The following SRD5A2 variants were observed in gnomAD, a reference collection of about 807,000 sequenced individuals.
The protein encoded by SRD5A2 is steroid 5 alpha-reductase 2.
In SRD5A2, 30 loss-of-function variants were observed where a neutral mutation model predicts 27.4. That is an observed-to-expected ratio of 1.10 (90% CI 0.82 to 1.49). SRD5A2 has a LOEUF of 1.49. Ranked by LOEUF, SRD5A2 falls within the 40% of genes most tolerant of loss-of-function variation. SRD5A2 has a pLI of 0.00. For synonymous variants in SRD5A2, 141 were observed against 133.6 expected, an observed-to-expected ratio of 1.06 and a Z score of -0.38; for missense variants, 348 against 323.4, an observed-to-expected ratio of 1.08 and a Z score of -0.58.
chr2:31,552,708 A>G (rs1425328012), intron 1 of SRD5A2, among the ~76,000 whole-genome samples: 1 of 152,208 alleles, frequency 6.6e-6, no homozygotes, highest in Non-Finnish European at 1.5e-5. Context: ...CTAAGAACAA[A>G]GGAAAAGAGG....
chr2:31,547,580 T>C (rs1666287992), intron 1 of SRD5A2, among the ~76,000 whole-genome samples: 1 of 152,252 alleles, frequency 6.6e-6, no homozygotes, highest in Non-Finnish European at 1.5e-5. Context: ...TATACCATGG[T>C]AGATTATATT....
chr2:31,651,274 T>G, the SRD5A2 span: 2 of 152,978 alleles, frequency 1.3e-5, no homozygotes, highest in East Asian at 3.9e-4. Context: ...TCTAAAAAAA[T>G]TATCCCATAG....
the SRD5A2 span, among the ~76,000 whole-genome samples, chr2:31,628,267 T>C: frequency 6.6e-6 from 1 of 152,142 alleles, no homozygotes; most frequent in African/African-American, 2.4e-5. Context: ...TTAAAGTCTG[T>C]TTCTTCTGAA....
At chr2:31,565,416 G>C (rs1232195028) in intron 1 of SRD5A2, among the ~76,000 whole-genome samples, 1 of 151,624 alleles carries the variant, frequency 6.6e-6, no homozygotes, top group South Asian at 2.1e-4. Context: ...CAGGGGCAGG[G>C]GGAAAGAAAA....
At chr2:31,627,537 C>G in the SRD5A2 span, among the ~76,000 whole-genome samples, 1 of 151,922 alleles carries the variant, frequency 6.6e-6, no homozygotes, top group African/African-American at 2.4e-5. Flanking sequence ...CCTTGTTTCT[C>G]TAGTTCCTCT....
intron 1 of SRD5A2, among the ~76,000 whole-genome samples, chr2:31,566,701 C>T (rs1288657545): frequency 6.6e-6 from 1 of 152,154 alleles, no homozygotes; most frequent in Non-Finnish European, 1.5e-5. Flanking sequence ...ATCTCACACA[C>T]GAAGTGTGAC....
chr2:31,628,675 C>A, the SRD5A2 span, among the ~76,000 whole-genome samples: 1 of 152,118 alleles, frequency 6.6e-6, no homozygotes, highest in Non-Finnish European at 1.5e-5. Flanking sequence ...GTTAAATTCC[C>A]TTTGTATTTG....
At chr2:31,532,151 A>C (rs1665921321) in intron 2 of SRD5A2, among the ~76,000 whole-genome samples, 1 of 152,208 alleles carries the variant, frequency 6.6e-6, no homozygotes. Context: ...AAAGTGCCTG[A>C]GTTATTAATG....
At chr2:31,594,380 C>T in the SRD5A2 span, among the ~76,000 whole-genome samples, 2 of 151,962 alleles carry the variant, frequency 1.3e-5, no homozygotes, top group African/African-American at 4.8e-5. Flanking sequence ...AAATGGAAAC[C>T]AAAAGCGAGC....
the SRD5A2 span, among the ~76,000 whole-genome samples, chr2:31,598,639 T>C: frequency 6.6e-6 from 1 of 151,656 alleles, no homozygotes; most frequent in African/African-American, 2.4e-5. Context: ...GCAAGCCTCA[T>C]GGTAACCTCA....
Position 31,553,496 on chromosome 2 carries a change from TACAGAG to T in SRD5A2, c.282-19736_282-19731del, listed in dbSNP as rs1181046808. ...ACACATTACAATCAAATTGCCAAAA[TACAGAG>T]ACAAAGAAATTGTCGAAGGCAGCAA... On this transcript the variant is annotated intron_variant, in intron 1 of 4. Transcript: ENST00000622030. Among the ~76,000 whole-genome samples, 6 of 152,108 alleles carry T rather than the reference TACAGAG, an allele frequency of 3.9e-5. No homozygotes were observed. The East Asian group carries it at 7.7e-4, about 20-fold the overall frequency.
chr2:31,554,858 T>A (rs1666460537), intron 1 of SRD5A2, among the ~76,000 whole-genome samples: 1 of 152,028 alleles, frequency 6.6e-6, no homozygotes, highest in African/African-American at 2.4e-5. Context: ...ACTGTGTTCA[T>A]GTAGGCTTAT....
At chr2:31,611,949 A>G in the SRD5A2 span, among the ~76,000 whole-genome samples, 1 of 152,178 alleles carries the variant, frequency 6.6e-6, no homozygotes, top group Admixed American at 6.6e-5. Flanking sequence ...GTTGGGGCAT[A>G]TCCATACAAT....
At chr2:31,541,543 A>G (rs2148072156) in intron 1 of SRD5A2, among the ~76,000 whole-genome samples, 1 of 152,324 alleles carries the variant, frequency 6.6e-6, no homozygotes, top group South Asian at 2.1e-4. Flanking sequence ...GAACCTTGCA[A>G]CAATGATCCC....
At chr2:31,546,830 C>G (rs1666271646) in intron 1 of SRD5A2, among the ~76,000 whole-genome samples, 1 of 152,158 alleles carries the variant, frequency 6.6e-6, no homozygotes, top group South Asian at 2.1e-4. Context: ...GGCACAGTGG[C>G]TCACACCTGT....
the SRD5A2 span, among the ~76,000 whole-genome samples, chr2:31,616,596 G>A: frequency 1.3e-5 from 2 of 152,122 alleles, no homozygotes; most frequent in Non-Finnish European, 2.9e-5. Flanking sequence ...CCTTTGTTTT[G>A]CCCAATTTCT....
At chr2:31,639,069 T>A in the SRD5A2 span, among the ~76,000 whole-genome samples, 1 of 152,026 alleles carries the variant, frequency 6.6e-6, no homozygotes, top group Non-Finnish European at 1.5e-5. Context: ...TTTTTGTGAA[T>A]CTATTATAGG....
intron 1 of SRD5A2, 30 bp downstream of exon 1, chr2:31,580,590 C>T (rs942125187): frequency 2.4e-5 from 36 of 1,499,154 alleles, no homozygotes; most frequent in Admixed American, 4.1e-5. Context: ...CAGTGCGCTG[C>T]ACTGGGCGCC....
the SRD5A2 span, among the ~76,000 whole-genome samples, chr2:31,654,084 A>G: frequency 4.6e-5 from 6 of 130,648 alleles, no homozygotes; most frequent in East Asian, 1.3e-3. Context: ...AAAGAAAGTT[A>G]AAAAAAAAAA....
Sources: gnomAD v4.1 joint callset for allele counts (sites outside exome capture counted in the v4.1 genomes callset) on GRCh38, gnomAD v4.1.1 for gene constraint, MANE v1.5 for transcripts, NCBI Gene and HGNC (gene_info 2026-07-23, HGNC 2026-07-21) for gene names.